The following PARG variants were observed in gnomAD, a reference collection of about 807,000 sequenced individuals.
PARG encodes poly(ADP-ribose) glycohydrolase, also known as mitochondrial poly(ADP-ribose) glycohydrolase.
Under a neutral mutation model 113.0 loss-of-function variants are expected in PARG, and 35 were observed. That is an observed-to-expected ratio of 0.31 (90% confidence interval 0.24 to 0.41). The LOEUF (loss-of-function observed/expected upper bound fraction) is 0.41. Ranked by LOEUF, PARG falls within the 10% of genes least tolerant of loss-of-function variation. The pLI is 1.00. For missense variants in PARG, 797 were observed against 1,169.4 expected (o/e 0.68, Z 4.64); for synonymous variants, 330 against 409.9 (o/e 0.81, Z 2.36).
chr10:49,860,180 C>T lies in PARG; in HGVS notation c.2205+1408G>A, dbSNP rs1846188208. On this transcript the variant is annotated intron_variant, in intron 12 of 17. Coordinates refer to ENST00000616448, the MANE Select transcript of PARG (RefSeq NM_003631.5). ...TAGCAAGAAGCCCTTACGGTATTCTCTAATCTACCGAGGTCTCACATTTCC... is the reference window on the plus strand; with the variant it reads ...TAGCAAGAAGCCCTTACGGTATTCTTTAATCTACCGAGGTCTCACATTTCC... Among the ~76,000 whole-genome samples the T allele has an allele frequency of 2.0e-5, 3 of 152,304 alleles. No individual in the cohort carries two copies. In the South Asian group the frequency reaches 6.2e-4, roughly 32 times the overall value.
At chr10:49,922,034 A>G (rs1837901069) in intron 6 of PARG, among the ~76,000 whole-genome samples, 2 of 152,206 alleles carry the variant, frequency 1.3e-5, no homozygotes, top group East Asian at 3.8e-4. Context: ...CAGAAACATG[A>G]TAATTTTAAA....
At chr10:49,893,888 C>T (rs1358152478) in intron 7 of PARG, among the ~76,000 whole-genome samples, 1 of 151,752 alleles carries the variant, frequency 6.6e-6, no homozygotes, top group African/African-American at 2.4e-5. Flanking sequence ...TTAGTAAAGA[C>T]GGGGTTTCAC....
At position 49,819,211 on chromosome 10, in the gene PARG, C is replaced by A. The variant is rs1271239410; in HGVS notation, c.*129G>T. 1.4e-6 allele frequency: 1 copy of A among 714,448 alleles called. No homozygotes were observed. Among genetic ancestry groups the A allele is most frequent in the Non-Finnish European group, 2.3e-6 (1 of 436,550 alleles). The allele number at this position is 714,448 out of a possible 1,614,324, so 44.3% of individuals were successfully genotyped here. On this transcript the variant is annotated 3_prime_UTR_variant, in exon 18 of 18. Coordinates refer to ENST00000616448, the MANE Select transcript of PARG (RefSeq NM_003631.5). ...AACTGCACATGTGTGGAAGAGATTGCGTCCTTGACTACAAATGTGGATTAT... is the reference window on the plus strand; with the variant it reads ...AACTGCACATGTGTGGAAGAGATTGAGTCCTTGACTACAAATGTGGATTAT...
At chr10:49,860,116 C>T (rs1554835681) in intron 12 of PARG, among the ~76,000 whole-genome samples, 1 of 152,212 alleles carries the variant, frequency 6.6e-6, no homozygotes, top group African/African-American at 2.4e-5. Context: ...ATTCCCCGAT[C>T]TCCTGCGGAG....
intron 6 of PARG, among the ~76,000 whole-genome samples, chr10:49,917,260 G>A (rs1338387262): frequency 1.3e-5 from 2 of 152,068 alleles, no homozygotes; most frequent in Non-Finnish European, 2.9e-5. Context: ...GGAGGTTGAG[G>A]TGGGCGGATC....
At chr10:49,880,839 G>A (rs1250568849) in intron 8 of PARG, among the ~76,000 whole-genome samples, 1 of 152,126 alleles carries the variant, frequency 6.6e-6, no homozygotes, top group Admixed American at 6.5e-5. Context: ...CCTGACTCGA[G>A]TATAGCATCA....
chr10:49,839,706 G>T (rs1435080220), intron 15 of PARG, among the ~76,000 whole-genome samples: 1 of 152,206 alleles, frequency 6.6e-6, no homozygotes, highest in African/African-American at 2.4e-5. Context: ...CTTCTTAAAA[G>T]ATCATAATTG....
At chr10:49,840,020 G>GT in intron 15 of PARG, among the ~76,000 whole-genome samples, 1 of 152,264 alleles carries the variant, frequency 6.6e-6, no homozygotes, top group African/African-American at 2.4e-5. Flanking sequence ...TGGTACTGGG[G>GT]ACAATTGCTT....
chr10:49,907,275 T>C (rs2034171113), intron 7 of PARG, among the ~76,000 whole-genome samples: 1 of 152,078 alleles, frequency 6.6e-6, no homozygotes, highest in African/African-American at 2.4e-5. Flanking sequence ...AAAAATTATT[T>C]AGCCAGCTTA....
At position 49,941,496 on chromosome 10, in the gene PARG, T is replaced by C; in HGVS notation, c.217+13A>G. 2.0e-6 allele frequency: 3 copies of C among 1,538,056 alleles called. No homozygotes were observed. Among genetic ancestry groups the C allele is most frequent in the Non-Finnish European group, 2.6e-6 (3 of 1,135,292 alleles). ...CCGAGGCGAAGGACAAAGATTTTTA[T>C]TTTCCCACGTACCAAGCGAGGTGGC... On this transcript the variant is annotated intron_variant, in intron 1 of 17. Transcript: ENST00000616448.
chr10:49,841,126 G>A (rs376123377), intron 15 of PARG, among the ~76,000 whole-genome samples: 78 of 152,128 alleles, frequency 5.1e-4, no homozygotes, highest in African/African-American at 1.7e-3. Context: ...GGTGGCAGGC[G>A]CTTGTAATCT....
chr10:49,923,690 G>C (rs1838007875), intron 4 of PARG, among the ~76,000 whole-genome samples: 1 of 151,492 alleles, frequency 6.6e-6, no homozygotes, highest in East Asian at 1.9e-4. Flanking sequence ...AGAAAAATCT[G>C]AAATTGGTGA....
At chr10:49,920,479 T>C (rs1363536065) in intron 6 of PARG, among the ~76,000 whole-genome samples, 23 of 98,168 alleles carry the variant, frequency 2.3e-4, no homozygotes, top group African/African-American at 7.5e-4. Context: ...TATATATATA[T>C]ATATATATAT....
intron 6 of PARG, among the ~76,000 whole-genome samples, chr10:49,920,173 T>C (rs1837718088): frequency 1.3e-5 from 2 of 151,902 alleles, no homozygotes; most frequent in Admixed American, 1.3e-4. Flanking sequence ...CAGTGACTCA[T>C]GCCTATAATC....
intron 13 of PARG, among the ~76,000 whole-genome samples, chr10:49,847,326 A>G (rs1242746928): frequency 6.6e-6 from 1 of 151,892 alleles, no homozygotes; most frequent in Non-Finnish European, 1.5e-5. Flanking sequence ...AAAAAGTATA[A>G]CCTGACAGTG....
chr10:49,938,523 A>G (rs1218978783), intron 1 of PARG, among the ~76,000 whole-genome samples: 16 of 152,348 alleles, frequency 1.1e-4, no homozygotes, highest in Middle Eastern at 3.4e-3. Flanking sequence ...CAAAAAGTCT[A>G]TAGCAACACA....
At chr10:49,904,196 A>C (rs1468233431) in intron 7 of PARG, among the ~76,000 whole-genome samples, 1 of 152,080 alleles carries the variant, frequency 6.6e-6, no homozygotes, top group Non-Finnish European at 1.5e-5. Flanking sequence ...GAATAGATAA[A>C]TGGTGGAATC....
chr10:49,888,985 C>G (rs1434605980), intron 7 of PARG, among the ~76,000 whole-genome samples: 1 of 151,764 alleles, frequency 6.6e-6, no homozygotes, highest in African/African-American at 2.4e-5. Flanking sequence ...CTCCATTAAA[C>G]CTGTCTATTC....
intron 4 of PARG, among the ~76,000 whole-genome samples, chr10:49,931,885 A>T (rs1359119365): frequency 2.0e-5 from 3 of 152,262 alleles, no homozygotes; most frequent in African/African-American, 7.2e-5. Context: ...TATCTTCACC[A>T]TCAGCTGATA....
Sources: allele counts gnomAD v4.1 joint callset (sites outside exome capture counted in the v4.1 genomes callset), GRCh38; gene constraint gnomAD v4.1.1; transcripts MANE v1.5; gene names NCBI Gene and HGNC (gene_info 2026-07-23, HGNC 2026-07-21).